UGT1A9: variants seen among roughly 807,000 people sequenced by gnomAD.
UGT1A9 encodes the protein UDP-glucuronosyltransferase 1A9.
Under a neutral mutation model 45.0 loss-of-function variants are expected in UGT1A9, and 35 were observed. The observed-to-expected ratio is 0.78, with a 90% CI of 0.59 to 1.03. The LOEUF is 1.03. Among genes scored for constraint, UGT1A9 ranks in the 50% least tolerant of loss-of-function variants. UGT1A9 has a pLI of 0.00. For missense variants in UGT1A9, 687 were observed against 666.6 expected (o/e 1.03, Z -0.34); for synonymous variants, 278 against 250.6 (o/e 1.11, Z -1.03).
intron 1 of UGT1A9, among the ~76,000 whole-genome samples, chr2:233,699,825 A>G (rs556434145): frequency 1.3e-5 from 2 of 152,320 alleles, no homozygotes; most frequent in South Asian, 2.1e-4. Flanking sequence ...GTAGTTCTCA[A>G]ATAGAACTAA....
At chr2:233,737,147 T>C (rs909565111) in intron 1 of UGT1A9, among the ~76,000 whole-genome samples, 2 of 152,240 alleles carry the variant, frequency 1.3e-5, no homozygotes, top group African/African-American at 4.8e-5. Flanking sequence ...TGTTCAGATA[T>C]GCCCTGCCCA....
chr2:233,724,484 G>GAT (rs2077266609), intron 1 of UGT1A9, among the ~76,000 whole-genome samples: 7 of 76,988 alleles, frequency 9.1e-5, no homozygotes, highest in Admixed American at 2.6e-4. Flanking sequence ...CTTCTCAGAC[G>GAT]GGGCGGCCGG....
chr2:233,728,405 T>C (rs1373851187), intron 1 of UGT1A9, among the ~76,000 whole-genome samples: 2 of 152,184 alleles, frequency 1.3e-5, no homozygotes, highest in Non-Finnish European at 2.9e-5. Context: ...CCATGTGTGC[T>C]TTAGATAGCA....
chr2:233,730,800 A>G (rs1400494303), intron 1 of UGT1A9, among the ~76,000 whole-genome samples: 1 of 152,180 alleles, frequency 6.6e-6, no homozygotes, highest in Non-Finnish European at 1.5e-5. Context: ...TGATGAATGG[A>G]CATGCGTCCA....
intron 1 of UGT1A9, among the ~76,000 whole-genome samples, chr2:233,748,531 T>G (rs1693967271): frequency 6.6e-6 from 1 of 151,738 alleles, no homozygotes; most frequent in African/African-American, 2.4e-5. Flanking sequence ...GATAGAGAGG[T>G]GACCACAGGA....
At chr2:233,690,692 C>T in intron 1 of UGT1A9, 1 of 1,247,740 alleles carries the variant, frequency 8.0e-7, no homozygotes, top group Admixed American at 2.9e-5. Context: ...AGCGGAGCTA[C>T]TCTTTAGGGA....
At chr2:233,684,485 G>T (rs1229597052) in intron 1 of UGT1A9, among the ~76,000 whole-genome samples, 11 of 151,942 alleles carry the variant, frequency 7.2e-5, no homozygotes, top group Non-Finnish European at 1.6e-4. Context: ...TGGCTCAAAG[G>T]GTCACCCAAA....
chr2:233,713,344 A>C (rs925382549), intron 1 of UGT1A9: 1 of 1,614,206 alleles, frequency 6.2e-7, no homozygotes, highest in African/African-American at 1.3e-5. Flanking sequence ...GCAATTATGA[A>C]CAATATGTCT....
chr2:233,693,235 C>G, intron 1 of UGT1A9: 6 of 1,614,162 alleles, frequency 3.7e-6, no homozygotes, highest in Non-Finnish European at 5.1e-6. Flanking sequence ...CAAGAAAAAT[C>G]TATCCAGTGC....
intron 1 of UGT1A9, among the ~76,000 whole-genome samples, chr2:233,730,937 T>C (rs2125759444): frequency 6.6e-6 from 1 of 152,268 alleles, no homozygotes; most frequent in Admixed American, 6.5e-5. Flanking sequence ...TAATCCAGAA[T>C]ATTTGGGTTT....
At chr2:233,678,927 G>A (rs1490462995) in intron 1 of UGT1A9, among the ~76,000 whole-genome samples, 1 of 152,098 alleles carries the variant, frequency 6.6e-6, no homozygotes, top group Non-Finnish European at 1.5e-5. Context: ...TGCAACATCT[G>A]GTCACAGTTT....
intron 1 of UGT1A9, chr2:233,691,335 G>C (rs1447452223): frequency 1.0e-6 from 1 of 985,562 alleles, no homozygotes; most frequent in Non-Finnish European, 1.2e-6. Flanking sequence ...GGACTGAGCT[G>C]AGTCTTCGCA....
intron 1 of UGT1A9, chr2:233,760,660 T>C: frequency 6.2e-7 from 1 of 1,614,244 alleles, no homozygotes; most frequent in Non-Finnish European, 8.5e-7. Flanking sequence ...TATGCTTTTG[T>C]CTGGCTGTTC....
intron 1 of UGT1A9, among the ~76,000 whole-genome samples, chr2:233,742,109 C>T (rs544656761): frequency 8.6e-5 from 13 of 151,972 alleles, no homozygotes; most frequent in Admixed American, 7.8e-4. Context: ...ACTGCCAAGA[C>T]CAGCTTGGTC....
At chr2:233,743,788 C>T (rs1478609008) in intron 1 of UGT1A9, 1 of 1,367,378 alleles carries the variant, frequency 7.3e-7, no homozygotes, top group Admixed American at 1.9e-5. Flanking sequence ...TGAATCTCCT[C>T]TCCGCTTCCT....
chr2:233,734,271 G>A (rs1203076441), intron 1 of UGT1A9, among the ~76,000 whole-genome samples: 2 of 152,098 alleles, frequency 1.3e-5, no homozygotes, highest in Admixed American at 1.3e-4. Context: ...ATGTGTCCAG[G>A]AATTTATCCA....
intron 1 of UGT1A9, among the ~76,000 whole-genome samples, chr2:233,720,958 G>A (rs777333216): frequency 6.0e-5 from 9 of 149,038 alleles, no homozygotes; most frequent in African/African-American, 1.0e-4. Flanking sequence ...TGATCTGCCC[G>A]CCTCGGCCTC....
chr2:233,737,607 T>A (rs970268869), intron 1 of UGT1A9, among the ~76,000 whole-genome samples: 49 of 152,170 alleles, frequency 3.2e-4, no homozygotes, highest in African/African-American at 1.2e-3. Flanking sequence ...GGTACCTCAG[T>A]TGGAAATGCA....
In UGT1A9 at chr2:233,672,090, G is replaced by A. The variant is rs139255934; in HGVS notation, c.156G>A (p.Gly52=). 1.2e-5 allele frequency: 20 copies of A among 1,614,032 alleles called. No homozygotes were observed. The highest frequency in any genetic ancestry group is 2.5e-6 in the Non-Finnish European group (3 of 1,180,004). The change falls in exon 1 of 5, where the codon GGG becomes GGA. Residue 52 remains glycine (G), a synonymous_variant. Coordinates refer to ENST00000354728, the MANE Select transcript of UGT1A9 (RefSeq NM_021027.3). The stretch of plus-strand genomic sequence containing the variant: ...TGGTGGAGAAACTCATTCTCAGGGG[G>A]CATGAGGTGGTTGTAGTCATGCCAG... The part of the protein sequence containing the change: ...RSVVEKLILR[G]HEVVVVMPEV...
Sources: gnomAD v4.1 joint callset for allele counts (sites outside exome capture counted in the v4.1 genomes callset) on GRCh38, gnomAD v4.1.1 for gene constraint, MANE v1.5 for transcripts, NCBI Gene and HGNC (gene_info 2026-07-23, HGNC 2026-07-21) for gene names.